LSAMP: variants seen among roughly 807,000 people sequenced by gnomAD.
LSAMP encodes the protein limbic system associated membrane protein.
A neutral mutation model predicts 38.6 loss-of-function variants in LSAMP; 7 were observed. The observed-to-expected ratio is 0.18, with a 90% CI of 0.10 to 0.34. The LOEUF (loss-of-function observed/expected upper bound fraction) is 0.34, where lower values mean the gene tolerates loss of function less well. Ranked by LOEUF, LSAMP falls within the 10% of genes least tolerant of loss-of-function variation. The pLI is 1.00. For missense variants in LSAMP, 313 were observed against 420.0 expected, an observed-to-expected ratio of 0.75 and a Z score of 2.23; for synonymous variants, 154 against 166.8, an observed-to-expected ratio of 0.92 and a Z score of 0.59.
chr3:116,333,814 A>C (rs994637569), intron 1 of LSAMP, among the ~76,000 whole-genome samples: 3 of 151,874 alleles, frequency 2.0e-5, no homozygotes, highest in African/African-American at 7.2e-5. Context: ...AAATTAAAAA[A>C]CAAACTCATT....
At chr3:116,010,216 C>T (rs953123685) in intron 3 of LSAMP, among the ~76,000 whole-genome samples, 3 of 152,112 alleles carry the variant, frequency 2.0e-5, no homozygotes, top group Non-Finnish European at 4.4e-5. Flanking sequence ...TGTACCCAGC[C>T]CAACATTTCA....
chr3:116,150,044 A>C (rs1158983958), intron 1 of LSAMP, among the ~76,000 whole-genome samples: 1 of 152,094 alleles, frequency 6.6e-6, no homozygotes, highest in Non-Finnish European at 1.5e-5. Flanking sequence ...TGACTTACAG[A>C]ATGTGGAACA....
chr3:115,967,264 G>C (rs1005881234), intron 3 of LSAMP, among the ~76,000 whole-genome samples: 2 of 152,146 alleles, frequency 1.3e-5, no homozygotes, highest in African/African-American at 4.8e-5. Flanking sequence ...CTCTAGGGCA[G>C]GGGCTAAATG....
chr3:116,333,820 T>C (rs758851290), intron 1 of LSAMP, among the ~76,000 whole-genome samples: 1 of 151,090 alleles, frequency 6.6e-6, no homozygotes, highest in Non-Finnish European at 1.5e-5. Flanking sequence ...AAAAACAAAC[T>C]CATTTTACAA....
intron 3 of LSAMP, among the ~76,000 whole-genome samples, chr3:115,891,395 G>T (rs1441168975): frequency 6.6e-6 from 1 of 151,972 alleles, no homozygotes; most frequent in Non-Finnish European, 1.5e-5. Context: ...ACAAGCCTGG[G>T]CTGGCCTGAT....
intron 1 of LSAMP, among the ~76,000 whole-genome samples, chr3:116,104,557 C>T (rs1708419270): frequency 6.6e-6 from 1 of 152,008 alleles, no homozygotes; most frequent in South Asian, 2.1e-4. Context: ...ATTAACTGAC[C>T]CTTTCTATTA....
chr3:115,968,231 C>T (rs1229040657), intron 3 of LSAMP, among the ~76,000 whole-genome samples: 1 of 151,938 alleles, frequency 6.6e-6, no homozygotes, highest in Non-Finnish European at 1.5e-5. Context: ...CAAAGTCCCT[C>T]TTCCTTCTCC....
At chr3:116,327,031 G>C (rs1444670022) in intron 1 of LSAMP, among the ~76,000 whole-genome samples, 3 of 152,150 alleles carry the variant, frequency 2.0e-5, no homozygotes, top group Admixed American at 6.5e-5. Flanking sequence ...CAAACTTCCA[G>C]TTAGGTTTTT....
intron 1 of LSAMP, among the ~76,000 whole-genome samples, chr3:116,352,441 T>C (rs1330257649): frequency 6.6e-6 from 1 of 152,000 alleles, no homozygotes; most frequent in Non-Finnish European, 1.5e-5. Context: ...GCAAGAGAAG[T>C]CACAAGTAGA....
intron 2 of LSAMP, among the ~76,000 whole-genome samples, chr3:116,037,733 C>A (rs1331982684): frequency 6.6e-6 from 1 of 151,958 alleles, no homozygotes; most frequent in African/African-American, 2.4e-5. Flanking sequence ...GAATATGTCC[C>A]ATGACTATGT....
intron 3 of LSAMP, among the ~76,000 whole-genome samples, chr3:115,943,721 G>T (rs11707348): frequency 0.061 from 9,283 of 152,274 alleles, 355 homozygotes; most frequent in Middle Eastern, 0.1. Context: ...AACTGTACAC[G>T]TGGAGATTTA....
chr3:116,036,159 G>A (rs547985027), intron 2 of LSAMP, among the ~76,000 whole-genome samples: 11 of 152,292 alleles, frequency 7.2e-5, no homozygotes, highest in African/African-American at 2.2e-4. Flanking sequence ...GCATCATTAA[G>A]AAGAGAAAAT....
At chr3:116,132,238 C>CAAA (rs71141854) in intron 1 of LSAMP, among the ~76,000 whole-genome samples, 1 of 145,822 alleles carries the variant, frequency 6.9e-6, no homozygotes. Context: ...ATAGAACTAT[C>CAAA]AAAAAAAAAA....
chr3:115,976,454 C>T (rs75631415), intron 3 of LSAMP, among the ~76,000 whole-genome samples: 1,588 of 152,238 alleles, frequency 0.01, 14 homozygotes, highest in African/African-American at 0.018. Flanking sequence ...TGAGCATAAA[C>T]AACAAACAAG....
chr3:116,172,165 G>T lies in LSAMP; in HGVS notation c.156-85609C>A, dbSNP rs190096631. 1.7e-4 allele frequency among the ~76,000 whole-genome samples: 26 copies of T among 151,932 alleles called. No homozygotes were observed. In the East Asian group the frequency reaches 4.1e-3, roughly 24 times the overall value. On this transcript the variant is annotated intron_variant, in intron 1 of 6. Coordinates refer to ENST00000490035, the MANE Select transcript of LSAMP (RefSeq NM_002338.5). The stretch of plus-strand genomic sequence containing the variant: ...GCTTCTAGATCATGTCAGGTACTGA[G>T]TAAGTGTCTATGTACAGATTAATGA...
chr3:115,957,158 A>C (rs1223489314), intron 3 of LSAMP, among the ~76,000 whole-genome samples: 1 of 152,246 alleles, frequency 6.6e-6, no homozygotes, highest in African/African-American at 2.4e-5. Context: ...CATGATAGGC[A>C]TGAGAATCCT....
chr3:116,194,118 G>T (rs1165041070), intron 1 of LSAMP, among the ~76,000 whole-genome samples: 1 of 152,150 alleles, frequency 6.6e-6, no homozygotes, highest in Non-Finnish European at 1.5e-5. Context: ...ATTAGGAGGA[G>T]GTGGCAAAGG....
chr3:116,248,466 C>A (rs1051967175), intron 1 of LSAMP, among the ~76,000 whole-genome samples: 5 of 145,524 alleles, frequency 3.4e-5, no homozygotes, highest in African/African-American at 5.3e-5. Context: ...TATAGTAAGA[C>A]CCTGTCTCTA....
intron 1 of LSAMP, among the ~76,000 whole-genome samples, chr3:116,419,567 C>G (rs905362925): frequency 6.6e-5 from 10 of 152,150 alleles, no homozygotes; most frequent in Admixed American, 5.9e-4. Context: ...CAAGATTCAG[C>G]GTACAAAGAT....
Sources: allele counts gnomAD v4.1 joint callset (sites outside exome capture counted in the v4.1 genomes callset), GRCh38; gene constraint gnomAD v4.1.1; transcripts MANE v1.5; gene names NCBI Gene and HGNC (gene_info 2026-07-23, HGNC 2026-07-21).